Variants in CRYL1 observed in about 807,000 individuals in gnomAD.
CRYL1 encodes the protein crystallin lambda 1, also known as lambda-crystallin homolog.
CRYL1 carries 29 observed loss-of-function variants against 36.6 expected under a neutral mutation model. The observed-to-expected ratio is 0.79, with a 90% CI of 0.59 to 1.08. The LOEUF (loss-of-function observed/expected upper bound fraction) is 1.08, where lower values mean the gene tolerates loss of function less well. Among genes scored for constraint, CRYL1 ranks in the 50% least tolerant of loss-of-function variants. The pLI is 0.00. For missense variants in CRYL1, 411 were observed against 407.9 expected (o/e 1.01, Z -0.06); for synonymous variants, 152 against 151.5 (o/e 1.00, Z -0.02).
chr13:20,473,283 A>G (rs925314283), intron 3 of CRYL1, among the ~76,000 whole-genome samples: 4 of 152,256 alleles, frequency 2.6e-5, no homozygotes, highest in African/African-American at 4.8e-5. Flanking sequence ...CGGCACCCAC[A>G]TGCTGCTCAC....
At chr13:20,431,901 C>T (rs777053229) in intron 5 of CRYL1, 6 of 1,516,758 alleles carry the variant, frequency 4.0e-6, no homozygotes, top group African/African-American at 1.4e-5. Flanking sequence ...CTCAGGCAGA[C>T]AGTGAATCGC....
At chr13:20,440,161 T>G (rs1053916721) in intron 3 of CRYL1, among the ~76,000 whole-genome samples, 5 of 152,252 alleles carry the variant, frequency 3.3e-5, no homozygotes, top group Non-Finnish European at 5.9e-5. Flanking sequence ...GTCATACCTC[T>G]GAAAGACTGT....
Position 20,432,091 on chromosome 13 carries a change from G to A in CRYL1, c.633+11C>T. 6.2e-7 allele frequency: 1 copy of A among 1,613,994 alleles called. No individual in the cohort carries two copies. Among genetic ancestry groups the A allele is most frequent in the East Asian group, 2.2e-5 (1 of 44,882 alleles). On this transcript the variant is annotated intron_variant, in intron 5 of 7. Transcript: ENST00000298248. ...GGAAGGGAGGGAGGGAGAGAGGACG[G>A]GCACACACACCTCCACTAGCCGCCA... is the stretch of plus-strand genomic sequence containing the variant.
At position 20,404,164 on chromosome 13, in the gene CRYL1, G is replaced by C. The variant is rs1408155417; in HGVS notation, c.925C>G (p.Leu309Val). ...RQWRDECLMRLAKLKSQVQPQ is the reference protein window; with the variant it reads ...RQWRDECLMRVAKLKSQVQPQ ...TGCACTTGACTCTTCAACTTGGCGA[G>C]TCTCATGAGGCACTCGTCCCTCCAC... The change falls in exon 8 of 8, where the codon CTC (leucine) becomes GTC (valine). Residue 309 changes from leucine to valine, a missense_variant. By Grantham distance (32) the Leu-to-Val change is conservative. Coordinates refer to ENST00000298248, the MANE Select transcript of CRYL1 (RefSeq NM_015974.3). 1 of 1,613,994 alleles carries C rather than the reference G, an allele frequency of 6.2e-7. No individual in the cohort carries two copies. The highest frequency in any genetic ancestry group is 1.1e-5 in the South Asian group (1 of 91,082).
At chr13:20,506,623 G>A (rs190633387) in intron 2 of CRYL1, among the ~76,000 whole-genome samples, 1 of 152,144 alleles carries the variant, frequency 6.6e-6, no homozygotes, top group East Asian at 1.9e-4. Flanking sequence ...CTTTAATGAT[G>A]CATCTAAAAA....
intron 1 of CRYL1, among the ~76,000 whole-genome samples, 179 bp from the exon 2 acceptor site, chr13:20,512,729 CAT>C (rs1412734437): frequency 6.6e-6 from 1 of 152,086 alleles, no homozygotes; most frequent in African/African-American, 2.4e-5. Flanking sequence ...TGTTCTCACT[CAT>C]GTGAAAGCTG....
chr13:20,505,366 A>AAAAAAAAAAAAAAAAAAC (rs2033776982), intron 2 of CRYL1, among the ~76,000 whole-genome samples: 1 of 149,500 alleles, frequency 6.7e-6, no homozygotes, highest in Non-Finnish European at 1.5e-5. Flanking sequence ...CACCAAAAAA[A>AAAAAAAAAAAAAAAAAAC]AAAAAAAAAA....
chr13:20,463,253 A>G (rs1021105258), intron 3 of CRYL1, among the ~76,000 whole-genome samples: 1 of 152,244 alleles, frequency 6.6e-6, no homozygotes, highest in African/African-American at 2.4e-5. Context: ...AAATTTAGAC[A>G]AACCTCAACC....
intron 3 of CRYL1, among the ~76,000 whole-genome samples, chr13:20,482,480 A>G (rs2033297540): frequency 6.6e-6 from 1 of 152,220 alleles, no homozygotes. Context: ...TTATTTTTCC[A>G]GAACAGTAGG....
At chr13:20,417,399 G>A (rs113217455) in intron 5 of CRYL1, among the ~76,000 whole-genome samples, 2,162 of 152,248 alleles carry the variant, frequency 0.014, 51 homozygotes, top group African/African-American at 0.049. Context: ...AATAGGTGAC[G>A]GGCAACACAG....
chr13:20,431,679 C>A, intron 5 of CRYL1: 1 of 1,106,138 alleles, frequency 9.0e-7, no homozygotes, highest in Non-Finnish European at 1.1e-6. Flanking sequence ...CTTCCTCAAG[C>A]TCTTGAAACA....
chr13:20,429,475 G>C (rs9509209), intron 5 of CRYL1, among the ~76,000 whole-genome samples: 62,574 of 151,944 alleles, frequency 0.41, 14,453 homozygotes, highest in East Asian at 0.6. Context: ...CTGACTTGCA[G>C]TATCTGGCAT....
chr13:20,429,745 G>A (rs778838474), intron 5 of CRYL1, among the ~76,000 whole-genome samples: 4 of 152,130 alleles, frequency 2.6e-5, no homozygotes, highest in Admixed American at 1.3e-4. Flanking sequence ...TCACGAACAA[G>A]GTCATGACCA....
chr13:20,497,707 TAC>T (rs375975628), intron 2 of CRYL1, among the ~76,000 whole-genome samples: 261 of 145,250 alleles, frequency 1.8e-3, no homozygotes, highest in African/African-American at 6.4e-3. Context: ...ATATATGCCC[TAC>T]ACACACCACA....
At chr13:20,414,861 C>T (rs2031617915) in intron 5 of CRYL1, among the ~76,000 whole-genome samples, 1 of 152,236 alleles carries the variant, frequency 6.6e-6, no homozygotes, top group African/African-American at 2.4e-5. Context: ...TTTCCACTGT[C>T]AGGAGGGCGG....
At chr13:20,438,377 C>T (rs184088180) in intron 4 of CRYL1, among the ~76,000 whole-genome samples, 97 of 152,276 alleles carry the variant, frequency 6.4e-4, no homozygotes, top group African/African-American at 2.0e-3. Flanking sequence ...CTCTCTGACC[C>T]GTCTTCATCC....
intron 3 of CRYL1, among the ~76,000 whole-genome samples, chr13:20,442,950 C>T (rs1593447809): frequency 1.3e-5 from 2 of 152,208 alleles, no homozygotes; most frequent in East Asian, 3.8e-4. Context: ...AAGGATCACC[C>T]TCTTCCTTAG....
chr13:20,422,818 T>C (rs951829600), intron 5 of CRYL1, among the ~76,000 whole-genome samples: 1 of 152,216 alleles, frequency 6.6e-6, no homozygotes, highest in East Asian at 1.9e-4. Context: ...CGCTACTCTG[T>C]GAAAAATGCC....
chr13:20,460,612 G>A (rs573032929), intron 3 of CRYL1, among the ~76,000 whole-genome samples: 6 of 135,882 alleles, frequency 4.4e-5, no homozygotes, highest in East Asian at 4.4e-4. Context: ...TGCAAGCTCC[G>A]CCACCCGGGT....
Sources: gnomAD v4.1 joint callset for allele counts (sites outside exome capture counted in the v4.1 genomes callset) on GRCh38, gnomAD v4.1.1 for gene constraint, MANE v1.5 for transcripts, NCBI Gene and HGNC (gene_info 2026-07-23, HGNC 2026-07-21) for gene names.